The following SPNS1 variants were observed in gnomAD, a reference collection of about 807,000 sequenced individuals.
SPNS1 encodes protein spinster homolog 1.
Under a neutral mutation model 50.3 loss-of-function variants are expected in SPNS1, and 22 were observed. The observed-to-expected ratio is 0.44, with a 90% confidence interval of 0.31 to 0.62. SPNS1 has a LOEUF of 0.62. Ranked by LOEUF, SPNS1 falls within the 20% of genes least tolerant of loss-of-function variation. The pLI, the probability that SPNS1 is intolerant of heterozygous loss-of-function variation, is 0.07. For synonymous variants in SPNS1, 295 were observed against 317.4 expected, an observed-to-expected ratio of 0.93 and a Z score of 0.75; for missense variants, 576 against 728.6, an observed-to-expected ratio of 0.79 and a Z score of 2.41.
At chr16:28,976,776 C>T in intron 2 of SPNS1, among the ~76,000 whole-genome samples, 1 of 152,192 alleles carries the variant, frequency 6.6e-6, no homozygotes, top group East Asian at 1.9e-4. Flanking sequence ...GTCTTCAAAC[C>T]TCTGAAGAGT....
rs981588699 is a variant in SPNS1 at position 28,981,595 on chromosome 16, T to C, written c.789T>C (p.Asp263=). The C allele has an allele frequency of 1.2e-6, 2 of 1,614,098 alleles. No individual in the cohort carries two copies. The highest frequency in any genetic ancestry group is 4.5e-5 in the East Asian group (2 of 44,876). Reference sequence around the variant, plus strand: ...TGAACCCCACCTCGTGGTGGGCAGATCTGAGGGCTCTGGCAAGAAAGTGAG... The same window carrying C: ...TGAACCCCACCTCGTGGTGGGCAGACCTGAGGGCTCTGGCAAGAAAGTGAG... ...PPLNPTSWWA[D]LRALARNPSF... is the part of the protein sequence containing the mutation. Residue 263 remains aspartate (D), a synonymous_variant, in exon 6 of 12, where the codon GAT becomes GAC. Transcript: ENST00000311008. The surrounding 1 kb of genome is among the most constrained non-coding windows in gnomAD (Gnocchi z 4.2).
rs1237068064 is a variant in SPNS1 at position 28,977,978 on chromosome 16, T to C, written c.378T>C (p.Tyr126=). 1 of 1,613,754 alleles carries C rather than the reference T, an allele frequency of 6.2e-7. No homozygotes were observed. Among genetic ancestry groups the C allele is most frequent in the Non-Finnish European group, 8.5e-7 (1 of 1,179,896 alleles). Residue 126 remains tyrosine (Y), a synonymous_variant, in exon 3 of 12, where the codon TAT becomes TAC. Transcript: ENST00000311008. ...GYLGDRYNRK[Y]LMCGGIAFWS... ...TGGGTGACAGGTACAATCGGAAGTA[T>C]CTCATGTGCGGGGGCATTGCCTTCT...
rs564656761 is a variant in SPNS1 at position 28,984,352 on chromosome 16, C to A, written c.*53C>A. 2 of 1,553,632 alleles carry A rather than the reference C, an allele frequency of 1.3e-6. No homozygotes were observed. The highest frequency in any genetic ancestry group is 4.6e-5 in the East Asian group (2 of 43,738). ...CTGCCACAGCTGGCCCTGGGCCCAC[C>A]CCACGAAGGGCCTGGGCCTAACCCC... On this transcript the variant is annotated 3_prime_UTR_variant, in exon 12 of 12. Coordinates refer to ENST00000311008, the MANE Select transcript of SPNS1 (RefSeq NM_032038.3).
intron 3 of SPNS1, 29 bp downstream of exon 3, chr16:28,978,073 G>T (rs761844642): frequency 6.2e-7 from 1 of 1,605,752 alleles, no homozygotes; most frequent in South Asian, 1.1e-5. Context: ...TCCTGTTTCT[G>T]CCCACACCCC....
chr16:28,975,430 A>G (rs752702689), intron 1 of SPNS1, 38 bp downstream of exon 1: 2 of 1,614,190 alleles, frequency 1.2e-6, no homozygotes, highest in East Asian at 4.5e-5. Flanking sequence ...AGTCTAGGAG[A>G]GGGGAGCCAG....
rs532548981 is a variant in SPNS1, at chr16:28,982,340, C to T, written c.966-16C>T. ...GGCACAGGGACAAACCCCCCATTCC[C>T]TTCCCTCACCCCTAGTCTCATCTTT... On this transcript the variant is annotated splice_polypyrimidine_tract_variant and intron_variant, in intron 7 of 11. Transcript: ENST00000311008. The T allele has an allele frequency of 1.0e-5, 16 of 1,552,850 alleles. No homozygotes were observed. In the African/African-American group the frequency reaches 2.2e-4, roughly 21 times the overall value.
Position 28,975,575 on chromosome 16 carries a change from C to CT in SPNS1, c.307+19dup. The CT allele has an allele frequency of 6.2e-7, 1 of 1,612,624 alleles. No homozygotes were observed. Among genetic ancestry groups the CT allele is most frequent in the Admixed American group, 1.7e-5 (1 of 60,004 alleles). Reference sequence around the variant, plus strand: ...CCAGACCGGTGAGTGGGGACCACTCCTGGTCACACAGCCGCTCCTCCTTCT... The same window carrying CT: ...CCAGACCGGTGAGTGGGGACCACTCCTTGGTCACACAGCCGCTCCTCCTTCT... On this transcript the variant is annotated intron_variant, in intron 2 of 11. Coordinates refer to ENST00000311008, the MANE Select transcript of SPNS1 (RefSeq NM_032038.3).
chr16:28,975,464 G>A (rs1461253814), intron 1 of SPNS1, 28 bp from the exon 2 acceptor site: 11 of 1,614,246 alleles, frequency 6.8e-6, no homozygotes, highest in Non-Finnish European at 8.5e-6. Context: ...GCGCTGCTTT[G>A]CCGGACCATC....
Position 28,975,260 on chromosome 16 carries a change from G to A in SPNS1, c.109G>A (p.Glu37Lys). The A allele has an allele frequency of 6.4e-7, 1 of 1,552,714 alleles. No individual in the cohort carries two copies. The highest frequency in any genetic ancestry group is 8.7e-7 in the Non-Finnish European group (1 of 1,148,326). The change falls in exon 1 of 12, where the codon GAG becomes AAG. Residue 37 changes from glutamate (E) to lysine (K), a missense_variant. Around this residue, in one of 3 missense-constraint regions of SPNS1, gnomAD observed 144 missense variants for 181.2 expected, o/e 0.79. Coordinates refer to ENST00000311008, the MANE Select transcript of SPNS1 (RefSeq NM_032038.3). The part of the protein sequence containing the change: ...LPGSTGNPKS[E>K]EPEVPDQEGL... ...AGGGTCCACGGGGAACCCGAAGTCC[G>A]AGGAGCCCGAGGTCCCGGACCAGGA... is the stretch of plus-strand genomic sequence containing the variant.
chr16:28,983,031 A>C lies in SPNS1; in HGVS notation c.1221+109A>C. ...AGCCCAGCCTCAACCTACCTTCTGC[A>C]ATAAATAACATCTGTAGCAGACCCC... On this transcript the variant is annotated intron_variant, in intron 9 of 11. Transcript: ENST00000311008. The surrounding 1 kb of genome is among the most constrained non-coding windows in gnomAD (Gnocchi z 5.4). 1 of 1,328,140 alleles carries C rather than the reference A, an allele frequency of 7.5e-7. No individual in the cohort carries two copies. 82.3% of individuals were successfully genotyped at this position (1,328,140 alleles called of 1,614,324 possible). A position where few individuals can be genotyped will look rare whatever the true frequency, so the allele number is the denominator to read the frequency against.
In SPNS1 at chr16:28,982,325, C is replaced by A. The variant is rs776761886; in HGVS notation, c.966-31C>A. The A allele has an allele frequency of 4.0e-6, 6 of 1,500,612 alleles. No individual in the cohort carries two copies. The East Asian group carries it at 1.4e-4, about 35-fold the overall frequency. 93.0% of individuals were successfully genotyped at this position (1,500,612 alleles called of 1,614,324 possible). A position where few individuals can be genotyped will look rare whatever the true frequency, so the allele number is the denominator to read the frequency against. On this transcript the variant is annotated intron_variant, in intron 7 of 11. Transcript: ENST00000311008. The stretch of plus-strand genomic sequence containing the variant: ...GTAGGGGCCTTGGCAGGCACAGGGA[C>A]AAACCCCCCATTCCCTTCCCTCACC...
At chr16:28,982,269 CTTGG>C in intron 7 of SPNS1, 83 bp from the exon 8 acceptor site, 1 of 1,456,376 alleles carries the variant, frequency 6.9e-7, no homozygotes. Context: ...CTGTAGGGAC[CTTGG>C]TTGTGAGGGT....
At position 28,983,374 on chromosome 16, in the gene SPNS1, C is replaced by G; in HGVS notation, c.1320+84C>G. On this transcript the variant is annotated intron_variant, in intron 10 of 11. Coordinates refer to ENST00000311008, the MANE Select transcript of SPNS1 (RefSeq NM_032038.3). The surrounding 1 kb of genome is among the most constrained non-coding windows in gnomAD (Gnocchi z 5.4). Reference sequence around the variant, plus strand: ...AGAAGGCCTGGCCCTAGTGAAGTGTCTGTGTCCTGCGTGCTGGGCACTTCT... The same window carrying G: ...AGAAGGCCTGGCCCTAGTGAAGTGTGTGTGTCCTGCGTGCTGGGCACTTCT... 9.1e-7 allele frequency: 1 copy of G among 1,095,960 alleles called. No homozygotes were observed. Among genetic ancestry groups the G allele is most frequent in the Non-Finnish European group, 1.4e-6 (1 of 713,486 alleles). 67.9% of individuals were successfully genotyped at this position (1,095,960 alleles called of 1,614,324 possible). A position where few individuals can be genotyped will look rare whatever the true frequency, so the allele number is the denominator to read the frequency against.
rs769998028 is a variant in SPNS1 at position 28,982,972 on chromosome 16, A to C, written c.1221+50A>C. ...TCAGCGCAGAGGCTGATGAGAGCAG[A>C]GTTGGGGTCAGGAGTGTTGCCTCTA... On this transcript the variant is annotated intron_variant, in intron 9 of 11. Transcript: ENST00000311008. The C allele has an allele frequency of 4.4e-6, 7 of 1,600,062 alleles. No individual in the cohort carries two copies. In the Admixed American group the frequency reaches 1.2e-4, roughly 27 times the overall value.
In SPNS1 at chr16:28,983,908, C is replaced by T. The variant is rs371131211; in HGVS notation, c.1443C>T (p.Thr481=). 3.0e-5 allele frequency: 48 copies of T among 1,598,980 alleles called. No homozygotes were observed. The highest frequency in any genetic ancestry group is 8.0e-5 in the African/African-American group (6 of 74,800). The part of the protein sequence containing the change: ...GALGGAAFLG[T]AIFIEADRRR... ...TGGGCGGCGCAGCCTTCCTGGGCAC[C>T]GCCATCTTCATTGAGGCCGACCGCC... The change falls in exon 11 of 12, where the codon ACC becomes ACT. Residue 481 remains threonine (T), a synonymous_variant. Coordinates refer to ENST00000311008, the MANE Select transcript of SPNS1 (RefSeq NM_032038.3). The surrounding 1 kb of genome is among the most constrained non-coding windows in gnomAD (Gnocchi z 5.4).
intron 5 of SPNS1, chr16:28,980,328 T>C (rs370333542): frequency 5.3e-5 from 8 of 152,146 alleles, no homozygotes; most frequent in African/African-American, 1.7e-4. Flanking sequence ...ATGGGGTCTT[T>C]GTATGTTGCC....
Position 28,983,860 on chromosome 16 carries a change from G to A in SPNS1, c.1395G>A (p.Met465Ile), listed in dbSNP as rs1965652700. ...TCCGGGCTCTGCAGTTCTCGCTCATGCTCTGCGCGTTTGTTGGGGCACTGG... is the reference window on the plus strand; with the variant it reads ...TCCGGGCTCTGCAGTTCTCGCTCATACTCTGCGCGTTTGTTGGGGCACTGG... Reference protein sequence around the residue: ...SEFRALQFSLMLCAFVGALGG... With the variant: ...SEFRALQFSLILCAFVGALGG... Residue 465 changes from methionine to isoleucine, a missense_variant, in exon 11 of 12, where the codon ATG becomes ATA. Met to Ile is a conservative substitution (Grantham distance 10). Coordinates refer to ENST00000311008, the MANE Select transcript of SPNS1 (RefSeq NM_032038.3). This position sits in a 1 kb window ranked among gnomAD's most constrained non-coding sequence, Gnocchi z 5.4. 6.2e-7 allele frequency: 1 copy of A among 1,604,390 alleles called. No individual in the cohort carries two copies.
chr16:28,983,754 TC>T lies in SPNS1; in HGVS notation c.1321-28del. On this transcript the variant is annotated intron_variant, in intron 10 of 11. Coordinates refer to ENST00000311008, the MANE Select transcript of SPNS1 (RefSeq NM_032038.3). This position sits in a 1 kb window ranked among gnomAD's most constrained non-coding sequence, Gnocchi z 5.4. ...TCCCTGGTTCATCCATGAGGCTGAC[TC>T]CCCTGGCTTTCCTGTCTCCTCTCCC... 1.3e-6 allele frequency: 2 copies of T among 1,541,046 alleles called. No individual in the cohort carries two copies.
Position 28,982,892 on chromosome 16 carries a change from G to C in SPNS1, c.1191G>C (p.Met397Ile). 6.2e-7 allele frequency: 1 copy of C among 1,613,868 alleles called. No homozygotes were observed. Among genetic ancestry groups the C allele is most frequent in the Non-Finnish European group, 8.5e-7 (1 of 1,179,998 alleles). The change falls in exon 9 of 12, where the codon ATG becomes ATC. Residue 397 changes from methionine (M) to isoleucine (I), a missense_variant. Physicochemically the swap from Met to Ile is conservative, Grantham distance 10. Coordinates refer to ENST00000311008, the MANE Select transcript of SPNS1 (RefSeq NM_032038.3). ...TCATTGGAGAGACCCTCCTGTCCAT[G>C]AACTGGGCCATCGTGGCCGACATTC... The part of the protein sequence containing the change: ...FIFIGETLLS[M>I]NWAIVADILL...
Sources: gnomAD v4.1 joint callset for allele counts (sites outside exome capture counted in the v4.1 genomes callset) on GRCh38, gnomAD v4.1.1 for gene constraint, gnomAD v4.1.1 regional missense constraint, Gnocchi (gnomAD v3.1) non-coding constraint, MANE v1.5 for transcripts, NCBI Gene and HGNC (gene_info 2026-07-23, HGNC 2026-07-21) for gene names.